Variants in MNS1 observed in about 807,000 individuals in gnomAD.
MNS1 encodes the protein meiosis specific nuclear structural 1.
MNS1 carries 63 observed loss-of-function variants against 72.0 expected under a neutral mutation model. The observed-to-expected ratio is 0.87, with a 90% CI of 0.71 to 1.08. The LOEUF (loss-of-function observed/expected upper bound fraction) is 1.08, where lower values mean the gene tolerates loss of function less well. Ranked by LOEUF, MNS1 falls within the 50% of genes least tolerant of loss-of-function variation. The pLI is 0.00. For synonymous variants in MNS1, 188 were observed against 172.1 expected, an observed-to-expected ratio of 1.09 and a Z score of -0.72; for missense variants, 604 against 562.4, an observed-to-expected ratio of 1.07 and a Z score of -0.75.
chr15:56,450,124 C>A (rs1792947838), intron 3 of MNS1, among the ~76,000 whole-genome samples: 1 of 152,128 alleles, frequency 6.6e-6, no homozygotes, highest in Admixed American at 6.5e-5. Flanking sequence ...AGTTTGTTTT[C>A]TAGTAATTCC....
At position 56,434,195 on chromosome 15, in the gene MNS1, G is replaced by A; in HGVS notation, c.1212C>T (p.His404=). 1.9e-6 allele frequency: 3 copies of A among 1,613,894 alleles called. No individual in the cohort carries two copies. Among genetic ancestry groups the A allele is most frequent in the East Asian group, 2.2e-5 (1 of 44,862 alleles). The change falls in exon 8 of 10, where the codon CAC becomes CAT. Residue 404 remains histidine (H), a synonymous_variant. Transcript: ENST00000260453. ...CAATAAGTTTTTCCACAGCCCTCCT[G>A]TGTTCCAGCTGCTTCATTCTTTGTT... ...AQKQRMKQLE[H]RRAVEKLIEE...
chr15:56,435,259 A>C (rs1209960076), intron 7 of MNS1, among the ~76,000 whole-genome samples: 1 of 151,980 alleles, frequency 6.6e-6, no homozygotes, highest in Non-Finnish European at 1.5e-5. Flanking sequence ...CCCCCACTTC[A>C]AGAACCTATA....
chr15:56,439,218 C>T (rs749163271), intron 7 of MNS1, among the ~76,000 whole-genome samples: 2 of 152,030 alleles, frequency 1.3e-5, no homozygotes, highest in Non-Finnish European at 1.5e-5. Flanking sequence ...TAACAAAACA[C>T]GTACAGGATT....
intron 3 of MNS1, among the ~76,000 whole-genome samples, chr15:56,451,259 A>C (rs1383141404): frequency 6.6e-6 from 1 of 152,200 alleles, no homozygotes; most frequent in Non-Finnish European, 1.5e-5. Flanking sequence ...ATTTGTGAAT[A>C]AGATCTGCTC....
chr15:56,457,369 T>G (rs1366062473), intron 2 of MNS1, among the ~76,000 whole-genome samples: 1 of 152,018 alleles, frequency 6.6e-6, no homozygotes, highest in Non-Finnish European at 1.5e-5. Flanking sequence ...GAAATGCAAA[T>G]TAGAATTGCA....
At chr15:56,451,750 TGTC>T (rs1469712171) in intron 3 of MNS1, among the ~76,000 whole-genome samples, 1 of 152,142 alleles carries the variant, frequency 6.6e-6, no homozygotes, top group East Asian at 1.9e-4. Flanking sequence ...CCAATAAACC[TGTC>T]GTAAATTGAA....
intron 2 of MNS1, among the ~76,000 whole-genome samples, chr15:56,463,627 A>T (rs1206518833): frequency 1.3e-5 from 2 of 152,030 alleles, no homozygotes; most frequent in African/African-American, 4.8e-5. Context: ...ACTAAAAATT[A>T]AAAAATTAGC....
chr15:56,465,094 T>C lies in MNS1; in HGVS notation c.-122A>G, dbSNP rs2051051188. 2.2e-6 allele frequency: 3 copies of C among 1,377,760 alleles called. No individual in the cohort carries two copies. Among genetic ancestry groups the C allele is most frequent in the South Asian group, 2.6e-5 (2 of 78,170 alleles). 85.3% of individuals were successfully genotyped at this position (1,377,760 alleles called of 1,614,324 possible). On this transcript the variant is annotated 5_prime_UTR_variant, in exon 1 of 10. Transcript: ENST00000260453. ...CGCGCGCTCGGGTGTTTACGCGGCG[T>C]CTTGGCAACGGTGGAGCTGCGCGCC...
Position 56,436,719 on chromosome 15 carries a change from T to TA in MNS1, c.1012-2325dup, listed in dbSNP as rs543830610. 4.0e-5 allele frequency among the ~76,000 whole-genome samples: 6 copies of TA among 151,798 alleles called. No homozygotes were observed. In the East Asian group the frequency reaches 1.2e-3, roughly 29 times the overall value. On this transcript the variant is annotated intron_variant, in intron 7 of 9. Coordinates refer to ENST00000260453, the MANE Select transcript of MNS1 (RefSeq NM_018365.4). The stretch of plus-strand genomic sequence containing the variant: ...ATTGATAGACCGCTAGCAAGACTCA[T>TA]AACAAAGAAAAGAGAGAAGAATCAA...
At chr15:56,439,333 C>T (rs929143303) in intron 7 of MNS1, among the ~76,000 whole-genome samples, 9 of 151,860 alleles carry the variant, frequency 5.9e-5, no homozygotes, top group Non-Finnish European at 1.2e-4. Flanking sequence ...ATCAATTCTC[C>T]CCAAACTGAT....
chr15:56,431,124 A>T (rs573948285), intron 9 of MNS1, among the ~76,000 whole-genome samples: 1 of 152,334 alleles, frequency 6.6e-6, no homozygotes, highest in South Asian at 2.1e-4. Flanking sequence ...ACTGCACTCC[A>T]GCCTGGGCGA....
intron 3 of MNS1, among the ~76,000 whole-genome samples, chr15:56,451,082 A>G (rs1482435112): frequency 6.6e-6 from 1 of 152,212 alleles, no homozygotes; most frequent in Non-Finnish European, 1.5e-5. Flanking sequence ...GGTTTTTAAA[A>G]TTATTGAATT....
intron 7 of MNS1, among the ~76,000 whole-genome samples, chr15:56,439,860 CAGAA>C (rs1440030643): frequency 6.7e-6 from 1 of 149,710 alleles, no homozygotes; most frequent in East Asian, 1.9e-4. Flanking sequence ...AGAGTTGACA[CAGAA>C]AGCATGATCC....
chr15:56,438,625 A>G (rs1440027950), intron 7 of MNS1, among the ~76,000 whole-genome samples: 1 of 152,208 alleles, frequency 6.6e-6, no homozygotes, highest in Non-Finnish European at 1.5e-5. Context: ...AATGGCAACA[A>G]AAGCCAAAAT....
chr15:56,435,104 TA>T (rs2050697893), intron 7 of MNS1, among the ~76,000 whole-genome samples: 1 of 152,028 alleles, frequency 6.6e-6, no homozygotes, highest in South Asian at 2.1e-4. Context: ...TTGTAGTTAA[TA>T]AAAGTGAGAC....
rs185420544 is a variant in MNS1, at chr15:56,453,199, T to G, written c.353+3195A>C. 1.1e-4 allele frequency among the ~76,000 whole-genome samples: 16 copies of G among 152,292 alleles called. No individual in the cohort carries two copies. The East Asian group carries it at 3.1e-3, about 29-fold the overall frequency. On this transcript the variant is annotated intron_variant, in intron 3 of 9. Coordinates refer to ENST00000260453, the MANE Select transcript of MNS1 (RefSeq NM_018365.4). ...TCATATTTTTAACTCTTTACATATT[T>G]TAATTCCCAAAAGACATAATAAATA...
At chr15:56,443,037 C>G (rs2050846212) in intron 7 of MNS1, among the ~76,000 whole-genome samples, 1 of 152,096 alleles carries the variant, frequency 6.6e-6, no homozygotes, top group Non-Finnish European at 1.5e-5. Flanking sequence ...ACTATGACAT[C>G]TTCTAGATGA....
intron 8 of MNS1, among the ~76,000 whole-genome samples, chr15:56,432,322 A>T (rs1333082695): frequency 1.3e-5 from 2 of 152,202 alleles, no homozygotes; most frequent in African/African-American, 4.8e-5. Context: ...ATTTAGGACA[A>T]ATTCTGAATA....
intron 2 of MNS1, among the ~76,000 whole-genome samples, chr15:56,457,395 G>A (rs947459303): frequency 6.6e-5 from 10 of 152,124 alleles, no homozygotes; most frequent in Admixed American, 3.9e-4. Context: ...ATATTACTAC[G>A]TACCTATTGG....
Sources: allele counts gnomAD v4.1 joint callset (sites outside exome capture counted in the v4.1 genomes callset), GRCh38; gene constraint gnomAD v4.1.1; transcripts MANE v1.5; gene names NCBI Gene and HGNC (gene_info 2026-07-23, HGNC 2026-07-21).